Variants in FSTL5 observed in about 807,000 individuals in gnomAD.
FSTL5 encodes the protein follistatin like 5.
FSTL5 carries 62 observed loss-of-function variants against 89.1 expected under a neutral mutation model. The observed-to-expected ratio is 0.70, with a 90% CI of 0.57 to 0.86. The LOEUF (loss-of-function observed/expected upper bound fraction) is 0.86, where lower values mean the gene tolerates loss of function less well. Ranked by LOEUF, FSTL5 falls within the 40% of genes least tolerant of loss-of-function variation. The pLI is 0.00. For missense variants in FSTL5, 1,057 were observed against 1,001.6 expected, an observed-to-expected ratio of 1.06 and a Z score of -0.75; for synonymous variants, 383 against 346.2, an observed-to-expected ratio of 1.11 and a Z score of -1.18.
chr4:161,652,795 TCCTA>T (rs1372444605), intron 7 of FSTL5, among the ~76,000 whole-genome samples: 2 of 152,180 alleles, frequency 1.3e-5, no homozygotes, highest in Admixed American at 6.6e-5. Context: ...ATACATTTAA[TCCTA>T]CCTAATATAC....
chr4:161,450,740 CA>C (rs1330787524), intron 15 of FSTL5, among the ~76,000 whole-genome samples: 100 of 143,072 alleles, frequency 7.0e-4, no homozygotes, highest in African/African-American at 1.8e-3. Context: ...CATTCATCTT[CA>C]TTTTTTTTTT....
chr4:161,757,333 T>C (rs1295560899), intron 6 of FSTL5, among the ~76,000 whole-genome samples: 1 of 152,014 alleles, frequency 6.6e-6, no homozygotes, highest in Non-Finnish European at 1.5e-5. Context: ...TTTCCTTCTA[T>C]CTTATATGAT....
intron 6 of FSTL5, among the ~76,000 whole-genome samples, chr4:161,736,456 T>G (rs1169644375): frequency 6.6e-6 from 1 of 152,196 alleles, no homozygotes; most frequent in African/African-American, 2.4e-5. Context: ...TAATGCCATC[T>G]AATATATTTT....
chr4:161,705,149 A>C (rs1028698653), intron 6 of FSTL5, among the ~76,000 whole-genome samples: 1 of 152,072 alleles, frequency 6.6e-6, no homozygotes, highest in Non-Finnish European at 1.5e-5. Flanking sequence ...CAAATACAAG[A>C]ATAACATCTT....
rs753458757 is a variant in FSTL5 at position 161,720,234 on chromosome 4, C to CAGATAGCGTACGCA, written c.727+39176_727+39177insTGCGTACGCTATCT. ...AAAAAAAAAAAATCCAATTAAAAGA[C>CAGATAGCGTACGCA]ATACAAATAGCGTACAGATACATGA... On this transcript the variant is annotated intron_variant, in intron 6 of 15. Coordinates refer to ENST00000306100, the MANE Select transcript of FSTL5 (RefSeq NM_020116.5). 4.2e-3 allele frequency among the ~76,000 whole-genome samples: 610 copies of CAGATAGCGTACGCA among 144,718 alleles called. 1 individual carries two copies. Among genetic ancestry groups the CAGATAGCGTACGCA allele is most frequent in the Non-Finnish European group, 7.4e-3 (485 of 65,596 alleles). The allele number at this position is 144,718 out of a possible 152,430, so 94.9% of individuals were successfully genotyped here.
intron 10 of FSTL5, among the ~76,000 whole-genome samples, chr4:161,522,575 T>C (rs1731075980): frequency 6.6e-6 from 1 of 151,358 alleles, no homozygotes; most frequent in African/African-American, 2.4e-5. Context: ...ACATATATAA[T>C]TTTTTTCTAA....
intron 7 of FSTL5, among the ~76,000 whole-genome samples, chr4:161,640,802 G>C (rs1362582108): frequency 2.0e-5 from 3 of 152,110 alleles, no homozygotes; most frequent in East Asian, 3.9e-4. Context: ...TAACATCCAA[G>C]AGTCTCCACA....
intron 2 of FSTL5, among the ~76,000 whole-genome samples, chr4:162,089,507 C>A (rs930371119): frequency 2.0e-5 from 3 of 151,576 alleles, no homozygotes; most frequent in African/African-American, 7.3e-5. Context: ...GTGGGGTGCA[C>A]CTGTAATCCC....
intron 4 of FSTL5, among the ~76,000 whole-genome samples, chr4:161,842,479 T>G (rs1340169220): frequency 1.3e-5 from 2 of 152,208 alleles, no homozygotes; most frequent in African/African-American, 2.4e-5. Context: ...ATTACACTAC[T>G]TAATAATTAC....
intron 3 of FSTL5, among the ~76,000 whole-genome samples, chr4:162,027,642 TTC>T (rs1489914127): frequency 6.6e-6 from 1 of 152,184 alleles, no homozygotes; most frequent in Non-Finnish European, 1.5e-5. Context: ...CAGAAAATCT[TTC>T]AATGAGCTCA....
chr4:161,518,614 C>G (rs1237508586), intron 10 of FSTL5, among the ~76,000 whole-genome samples: 1 of 152,158 alleles, frequency 6.6e-6, no homozygotes, highest in African/African-American at 2.4e-5. Context: ...TATAAGTCTA[C>G]TCCTGACAAT....
intron 15 of FSTL5, among the ~76,000 whole-genome samples, chr4:161,402,682 C>G (rs909803170): frequency 6.6e-6 from 1 of 152,134 alleles, no homozygotes; most frequent in Non-Finnish European, 1.5e-5. Context: ...ATTGCAACAC[C>G]TTTTATAGAG....
intron 4 of FSTL5, among the ~76,000 whole-genome samples, chr4:161,878,133 G>A (rs1732508798): frequency 6.6e-6 from 1 of 151,758 alleles, no homozygotes; most frequent in Non-Finnish European, 1.5e-5. Flanking sequence ...TTCAACACAC[G>A]GAACTAAGTA....
chr4:161,409,927 GAC>G (rs1731529693), intron 15 of FSTL5, among the ~76,000 whole-genome samples: 2 of 152,038 alleles, frequency 1.3e-5, no homozygotes, highest in South Asian at 4.2e-4. Flanking sequence ...CCACTTAAAA[GAC>G]ACAGAGTAGC....
At chr4:161,422,135 T>C (rs1193573041) in intron 15 of FSTL5, among the ~76,000 whole-genome samples, 3 of 152,012 alleles carry the variant, frequency 2.0e-5, no homozygotes, top group Admixed American at 6.5e-5. Context: ...TATAGGGTAT[T>C]GTATATATGG....
At chr4:162,000,184 T>C (rs1316896440) in intron 3 of FSTL5, among the ~76,000 whole-genome samples, 1 of 152,226 alleles carries the variant, frequency 6.6e-6, no homozygotes, top group Non-Finnish European at 1.5e-5. Context: ...GGTTGAATAG[T>C]CTATGCTCTA....
chr4:161,946,366 A>G (rs1734734016), intron 3 of FSTL5, among the ~76,000 whole-genome samples: 1 of 152,208 alleles, frequency 6.6e-6, no homozygotes, highest in African/African-American at 2.4e-5. Flanking sequence ...TATGTTAAGC[A>G]GTGAGCAAAT....
chr4:161,519,420 G>T (rs966207728), intron 10 of FSTL5, among the ~76,000 whole-genome samples: 7 of 152,080 alleles, frequency 4.6e-5, no homozygotes, highest in Non-Finnish European at 1.0e-4. Flanking sequence ...CCGCTACTCG[G>T]GGGGCTGAGG....
chr4:162,137,592 C>A (rs2111471781), intron 1 of FSTL5, among the ~76,000 whole-genome samples: 1 of 152,206 alleles, frequency 6.6e-6, no homozygotes, highest in Admixed American at 6.5e-5. Context: ...TTCAGTTTGT[C>A]ACAACAAATG....
Sources: gnomAD v4.1 joint callset for allele counts (sites outside exome capture counted in the v4.1 genomes callset) on GRCh38, gnomAD v4.1.1 for gene constraint, MANE v1.5 for transcripts, NCBI Gene and HGNC (gene_info 2026-07-23, HGNC 2026-07-21) for gene names.